Variants in THSD7A observed in about 807,000 individuals in gnomAD.
The protein encoded by THSD7A is thrombospondin type 1 domain containing 7A, also known as thrombospondin type-1 domain-containing protein 7A.
THSD7A carries 96 observed loss-of-function variants against 231.3 expected under a neutral mutation model. That is an observed-to-expected ratio of 0.41 (90% confidence interval 0.35 to 0.49). The LOEUF (loss-of-function observed/expected upper bound fraction) is 0.49, where lower values mean the gene tolerates loss of function less well. Ranked by LOEUF, THSD7A falls within the 20% of genes least tolerant of loss-of-function variation. The pLI, the probability that THSD7A is intolerant of heterozygous loss-of-function variation, is 0.05. For missense variants in THSD7A, 2,290 were observed against 2,070.2 expected, an observed-to-expected ratio of 1.11 and a Z score of -2.06; for synonymous variants, 940 against 743.3, an observed-to-expected ratio of 1.26 and a Z score of -4.30.
intron 4 of THSD7A, among the ~76,000 whole-genome samples, chr7:11,553,951 T>A (rs1296695427): frequency 6.6e-6 from 1 of 151,916 alleles, no homozygotes; most frequent in Non-Finnish European, 1.5e-5. Context: ...TTTATATATC[T>A]TATAAATTAT....
At chr7:11,713,354 G>T (rs1484104903) in intron 1 of THSD7A, among the ~76,000 whole-genome samples, 1 of 151,132 alleles carries the variant, frequency 6.6e-6, no homozygotes, top group Non-Finnish European at 1.5e-5. Context: ...GGTTTTCTTA[G>T]CTTGGCTAGG....
At chr7:11,829,696 T>C (rs532898344) in intron 1 of THSD7A, among the ~76,000 whole-genome samples, 3 of 152,276 alleles carry the variant, frequency 2.0e-5, no homozygotes, top group African/African-American at 7.2e-5. Flanking sequence ...CTGTAACTTC[T>C]AAATTTTCAT....
chr7:11,831,756 C>T lies in THSD7A; in HGVS notation c.190+1G>A. On this transcript the variant is annotated splice_donor_variant, in intron 1 of 27. Coordinates refer to ENST00000423059, the MANE Select transcript of THSD7A (RefSeq NM_015204.3). LOFTEE classifies it high-confidence loss of function. The surrounding 1 kb of genome is among the most constrained non-coding windows in gnomAD (Gnocchi z 5.0). ...GGAAAGGGTAACTCCGTCCCACTTACCAGTCTTCCACAGATAGAGGGTGGG... is the reference window on the plus strand; with the variant it reads ...GGAAAGGGTAACTCCGTCCCACTTATCAGTCTTCCACAGATAGAGGGTGGG... 1.4e-6 allele frequency: 2 copies of T among 1,462,616 alleles called. No individual in the cohort carries two copies. The highest frequency in any genetic ancestry group is 1.8e-6 in the Non-Finnish European group (2 of 1,104,084). 90.6% of individuals were successfully genotyped at this position (1,462,616 alleles called of 1,614,324 possible). A position where few individuals can be genotyped will look rare whatever the true frequency, so the allele number is the denominator to read the frequency against.
intron 1 of THSD7A, among the ~76,000 whole-genome samples, chr7:11,815,688 A>G (rs899829550): frequency 2.6e-5 from 4 of 152,190 alleles, no homozygotes; most frequent in African/African-American, 9.7e-5. Context: ...TAAAACTCAT[A>G]TATTCACATC....
At chr7:11,598,980 G>A (rs1780460092) in intron 2 of THSD7A, among the ~76,000 whole-genome samples, 1 of 152,122 alleles carries the variant, frequency 6.6e-6, no homozygotes, top group South Asian at 2.1e-4. Flanking sequence ...AGTGTTGGCT[G>A]GGGTGATTGA....
intron 22 of THSD7A, among the ~76,000 whole-genome samples, chr7:11,405,122 T>C (rs1783538506): frequency 6.6e-6 from 1 of 150,768 alleles, no homozygotes; most frequent in Non-Finnish European, 1.5e-5. Context: ...CATCTTAAAC[T>C]ATACCCTACC....
chr7:11,407,405 A>T lies in THSD7A; in HGVS notation c.3817T>A (p.Trp1273Arg), dbSNP rs772215256. Residue 1273 changes from tryptophan to arginine, a missense_variant, in exon 20 of 28, where the codon TGG becomes AGG. Transcript: ENST00000423059. ...YCEALGLEKN[W>R]QMNTSCMVEC... ...ACCATGCAGGACGTGTTCATCTGCC[A>T]GTTCTTCTCCAAGCCAAGCTGGAAG... 7.4e-6 allele frequency: 12 copies of T among 1,613,108 alleles called. No homozygotes were observed. The highest frequency in any genetic ancestry group is 3.3e-5 in the South Asian group (3 of 90,768).
intron 1 of THSD7A, among the ~76,000 whole-genome samples, chr7:11,810,489 C>T (rs1254899599): frequency 6.6e-6 from 1 of 152,104 alleles, no homozygotes; most frequent in East Asian, 1.9e-4. Flanking sequence ...GTCTATACTT[C>T]CCCATAGCTA....
chr7:11,645,230 T>A (rs1425711602), intron 1 of THSD7A, among the ~76,000 whole-genome samples: 1 of 151,896 alleles, frequency 6.6e-6, no homozygotes, highest in Non-Finnish European at 1.5e-5. Flanking sequence ...AATTATTTAT[T>A]TAATTGGTTT....
chr7:11,698,477 C>T (rs1334051205), intron 1 of THSD7A, among the ~76,000 whole-genome samples: 3 of 150,610 alleles, frequency 2.0e-5, no homozygotes, highest in African/African-American at 7.4e-5. Flanking sequence ...ACTATATTTG[C>T]CATTTAGCTA....
intron 1 of THSD7A, among the ~76,000 whole-genome samples, chr7:11,688,227 G>A (rs1027696545): frequency 6.6e-6 from 1 of 151,652 alleles, no homozygotes; most frequent in African/African-American, 2.4e-5. Context: ...CCCTACAAAG[G>A]ACATCAACTC....
chr7:11,636,508 T>C lies in THSD7A; in HGVS notation c.644A>G (p.Gln215Arg). Residue 215 changes from glutamine (Q) to arginine (R), a missense_variant, in exon 2 of 28, where the codon CAG (glutamine) becomes CGG (arginine). Gln to Arg is a conservative substitution (Grantham distance 43). Transcript: ENST00000423059. The surrounding 1 kb of genome is among the most constrained non-coding windows in gnomAD (Gnocchi z 10.0). ...ECSKTCGSGL[Q>R]HRTRHVVAPP... The stretch of plus-strand genomic sequence containing the variant: ...CGCCACCACATGACGCGTCCGGTGC[T>C]GGAGCCCGCTGCCGCAGGTCTTGGA... The C allele has an allele frequency of 1.2e-6, 2 of 1,613,918 alleles. No homozygotes were observed. Among genetic ancestry groups the C allele is most frequent in the Non-Finnish European group, 1.7e-6 (2 of 1,179,874 alleles).
At chr7:11,796,449 T>C (rs1281261411) in intron 1 of THSD7A, among the ~76,000 whole-genome samples, 1 of 151,916 alleles carries the variant, frequency 6.6e-6, no homozygotes, top group African/African-American at 2.4e-5. Flanking sequence ...GTAATTGCAA[T>C]TTCATCACAC....
intron 1 of THSD7A, among the ~76,000 whole-genome samples, chr7:11,772,486 C>T (rs772106032): frequency 6.6e-6 from 1 of 152,124 alleles, no homozygotes; most frequent in Non-Finnish European, 1.5e-5. Flanking sequence ...TGCCCATCAA[C>T]ACTGGCTTGG....
At chr7:11,543,584 G>A (rs1423002510) in intron 4 of THSD7A, among the ~76,000 whole-genome samples, 6 of 152,098 alleles carry the variant, frequency 3.9e-5, no homozygotes, top group African/African-American at 1.2e-4. Context: ...TTGGTTCACC[G>A]GGATTGAGAG....
chr7:11,549,712 G>A (rs924454839), intron 4 of THSD7A, among the ~76,000 whole-genome samples: 8 of 152,128 alleles, frequency 5.3e-5, no homozygotes, highest in Non-Finnish European at 1.0e-4. Context: ...TCACTTATAA[G>A]TAGAAGCTGA....
intron 23 of THSD7A, among the ~76,000 whole-genome samples, chr7:11,389,345 T>G (rs1157169543): frequency 6.6e-6 from 1 of 151,340 alleles, no homozygotes; most frequent in East Asian, 1.9e-4. Context: ...TTACCATATT[T>G]AATGCCCTTC....
chr7:11,486,439 A>G (rs1786661453), intron 6 of THSD7A, among the ~76,000 whole-genome samples: 1 of 152,156 alleles, frequency 6.6e-6, no homozygotes, highest in Non-Finnish European at 1.5e-5. Context: ...CAGCAGCCCC[A>G]CAGTTAGGAC....
chr7:11,540,571 A>G lies in THSD7A; in HGVS notation c.1822+848T>C, dbSNP rs373668172. Among the ~76,000 whole-genome samples the G allele has an allele frequency of 7.9e-5, 12 of 152,298 alleles. No homozygotes were observed. In the East Asian group the frequency reaches 1.7e-3, roughly 22 times the overall value. The stretch of plus-strand genomic sequence containing the variant: ...GCACTCATGCTTCTCTGATGTGCAG[A>G]GTCATAGGATTCAAGAGATAGAGCA... On this transcript the variant is annotated intron_variant, in intron 6 of 27. Transcript: ENST00000423059.
Sources: gnomAD v4.1 joint callset for allele counts (sites outside exome capture counted in the v4.1 genomes callset) on GRCh38, gnomAD v4.1.1 for gene constraint, Gnocchi (gnomAD v3.1) non-coding constraint, MANE v1.5 for transcripts, NCBI Gene and HGNC (gene_info 2026-07-23, HGNC 2026-07-21) for gene names.